SCN7A: variants seen among roughly 807,000 people sequenced by gnomAD.
SCN7A encodes the protein sodium voltage-gated channel alpha subunit 7, also known as sodium channel protein type 7 subunit alpha.
SCN7A carries 138 observed loss-of-function variants against 155.2 expected under a neutral mutation model. That is an observed-to-expected ratio of 0.89 (90% CI 0.77 to 1.02). The LOEUF is 1.02. Ranked by LOEUF, SCN7A falls within the 50% of genes least tolerant of loss-of-function variation. SCN7A has a pLI of 0.00. For missense variants in SCN7A, 2,058 were observed against 1,986.6 expected (o/e 1.04, Z -0.68); for synonymous variants, 693 against 649.0 (o/e 1.07, Z -1.03).
intron 10 of SCN7A, among the ~76,000 whole-genome samples, chr2:166,460,328 T>C (rs1003191815): frequency 1.3e-5 from 2 of 152,216 alleles, no homozygotes; most frequent in East Asian, 1.9e-4. Flanking sequence ...TATACAGTGA[T>C]ATAGCCCATA....
intron 15 of SCN7A, among the ~76,000 whole-genome samples, chr2:166,433,548 T>C (rs1701776425): frequency 6.6e-6 from 1 of 152,158 alleles, no homozygotes; most frequent in Non-Finnish European, 1.5e-5. Context: ...AGATGTCAAA[T>C]ATCAAACGAT....
chr2:166,492,128 G>A (rs774801180), intron 1 of SCN7A, among the ~76,000 whole-genome samples: 2 of 152,108 alleles, frequency 1.3e-5, no homozygotes, highest in Non-Finnish European at 2.9e-5. Flanking sequence ...AGGCTACGGA[G>A]ACAGAATGCC....
At chr2:166,484,609 C>T (rs973471340) in intron 2 of SCN7A, among the ~76,000 whole-genome samples, 1 of 151,896 alleles carries the variant, frequency 6.6e-6, no homozygotes, top group Non-Finnish European at 1.5e-5. Context: ...TATGTCATCA[C>T]TAATACATGT....
chr2:166,462,351 C>A (rs1207952147), intron 10 of SCN7A, 38 bp downstream of exon 10: 84 of 1,541,594 alleles, frequency 5.4e-5, no homozygotes, highest in Non-Finnish European at 7.2e-5. Context: ...GGGCATGGTG[C>A]CATTCCTAAG....
intron 21 of SCN7A, among the ~76,000 whole-genome samples, chr2:166,414,008 T>TATATATATATATATATAC (rs1423218806): frequency 2.7e-5 from 2 of 75,464 alleles, no homozygotes; most frequent in Admixed American, 1.8e-4. Context: ...TATATAAATA[T>TATATATATATATATATAC]ACTATATATA....
At chr2:166,464,798 T>C (rs918404174) in intron 9 of SCN7A, among the ~76,000 whole-genome samples, 1 of 152,208 alleles carries the variant, frequency 6.6e-6, no homozygotes, top group Non-Finnish European at 1.5e-5. Flanking sequence ...ATTGTCTTTC[T>C]TCGTCATTCT....
intron 2 of SCN7A, among the ~76,000 whole-genome samples, chr2:166,483,116 G>A (rs1372145961): frequency 6.6e-6 from 1 of 151,948 alleles, no homozygotes; most frequent in Non-Finnish European, 1.5e-5. Context: ...TTATATTGTT[G>A]ACTGAAGTGG....
rs1701013198 is a variant in SCN7A at position 166,404,028 on chromosome 2, C to G, written c.*1552G>C. 6.6e-6 allele frequency: 1 copy of G among 151,552 alleles called. No homozygotes were observed. Among genetic ancestry groups the G allele is most frequent in the South Asian group, 2.1e-4 (1 of 4,804 alleles). 9.4% of individuals were successfully genotyped at this position (151,552 alleles called of 1,614,324 possible). On this transcript the variant is annotated 3_prime_UTR_variant, in exon 26 of 26. Transcript: ENST00000643258. ...GTTAGGTTATTCAATTTCTGAGGGG[C>G]AGAAAAAGATTATAGTAGTTAAGGC... is the stretch of plus-strand genomic sequence containing the variant.
intron 7 of SCN7A, among the ~76,000 whole-genome samples, chr2:166,468,810 C>T (rs1702592180): frequency 6.6e-6 from 1 of 151,822 alleles, no homozygotes; most frequent in Non-Finnish European, 1.5e-5. Context: ...AGTGTCTCAA[C>T]TTCCCTGCCT....
chr2:166,412,171 TATAAC>T (rs1701216233), intron 23 of SCN7A, among the ~76,000 whole-genome samples: 2 of 152,090 alleles, frequency 1.3e-5, no homozygotes, highest in South Asian at 4.1e-4. Context: ...AGGCTTTAAA[TATAAC>T]AGAGAGTAAA....
chr2:166,414,002 T>TATATATAA (rs1443391022), intron 21 of SCN7A, among the ~76,000 whole-genome samples: 1 of 90,316 alleles, frequency 1.1e-5, no homozygotes, highest in African/African-American at 4.5e-5. Flanking sequence ...TATATATATA[T>TATATATAA]AAATATACTA....
chr2:166,427,498 G>A (rs116379685), intron 18 of SCN7A, among the ~76,000 whole-genome samples: 1,632 of 151,622 alleles, frequency 0.011, 32 homozygotes, highest in African/African-American at 0.038. Flanking sequence ...AGAAGAATCC[G>A]GTATCTATTC....
chr2:166,454,116 T>G (rs1280287664), intron 11 of SCN7A, among the ~76,000 whole-genome samples: 1 of 152,116 alleles, frequency 6.6e-6, no homozygotes, highest in Non-Finnish European at 1.5e-5. Flanking sequence ...TCATCTGGGA[T>G]CAGAGAAGTA....
At chr2:166,462,322 A>C in intron 10 of SCN7A, 67 bp downstream of exon 10, 1 of 1,457,448 alleles carries the variant, frequency 6.9e-7, no homozygotes, top group Non-Finnish European at 9.2e-7. Context: ...ATTACATTTG[A>C]CCATTATCTT....
intron 3 of SCN7A, among the ~76,000 whole-genome samples, chr2:166,476,410 G>A (rs1446965033): frequency 6.6e-6 from 1 of 151,812 alleles, no homozygotes; most frequent in East Asian, 1.9e-4. Flanking sequence ...CACCTCCCTC[G>A]AATTTGATAT....
Position 166,406,547 on chromosome 2 carries a change from T to C in SCN7A, c.4082A>G (p.Lys1361Arg), listed in dbSNP as rs750976995. The C allele has an allele frequency of 2.1e-5, 34 of 1,612,726 alleles. 1 individual carries two copies. The South Asian group carries it at 3.6e-4, about 17-fold the overall frequency. Residue 1361 changes from lysine (K) to arginine (R), a missense_variant, in exon 26 of 26, where the codon AAA becomes AGA. Lys to Arg is a conservative substitution (Grantham distance 26). Transcript: ENST00000643258. The part of the protein sequence containing the change: ...SRIIHMLRLG[K>R]GPKVFHNLML... Reference sequence around the variant, plus strand: ...CAGATTATGAAACACCTTTGGTCCTTTTCCAAGACGCAGCATGTGAATGAT... The same window carrying C: ...CAGATTATGAAACACCTTTGGTCCTCTTCCAAGACGCAGCATGTGAATGAT...
At chr2:166,472,628 G>A (rs1702685157) in intron 5 of SCN7A, among the ~76,000 whole-genome samples, 183 bp from the exon 6 acceptor site, 1 of 151,856 alleles carries the variant, frequency 6.6e-6, no homozygotes, top group Non-Finnish European at 1.5e-5. Flanking sequence ...AAGAAAGCAA[G>A]TGCTCCTTGA....
intron 3 of SCN7A, among the ~76,000 whole-genome samples, chr2:166,475,121 C>CACATAT (rs1226805861): frequency 3.9e-5 from 4 of 102,234 alleles, no homozygotes; most frequent in African/African-American, 1.6e-4. Context: ...TATATATATA[C>CACATAT]ATATATATAT....
intron 2 of SCN7A, 119 bp from the exon 3 acceptor site, chr2:166,477,829 T>C: frequency 1.8e-6 from 1 of 547,626 alleles, no homozygotes; most frequent in Non-Finnish European, 3.0e-6. Context: ...ACATATTCCT[T>C]AGTTTTGTAG....
Sources: gnomAD v4.1 joint callset for allele counts (sites outside exome capture counted in the v4.1 genomes callset) on GRCh38, gnomAD v4.1.1 for gene constraint, MANE v1.5 for transcripts, NCBI Gene and HGNC (gene_info 2026-07-23, HGNC 2026-07-21) for gene names.